The following DPP10 variants were observed in gnomAD, a reference collection of about 807,000 sequenced individuals.
The protein encoded by DPP10 is dipeptidyl peptidase like 10, also known as inactive dipeptidyl peptidase 10.
DPP10 carries 33 observed loss-of-function variants against 120.9 expected under a neutral mutation model. The observed-to-expected ratio is 0.27, with a 90% CI of 0.21 to 0.37. The LOEUF (loss-of-function observed/expected upper bound fraction) is 0.37. DPP10 is among the 10% of genes least tolerant of loss of function. The pLI, the probability that DPP10 is intolerant of heterozygous loss-of-function variation, is 1.00. For synonymous variants in DPP10, 337 were observed against 326.1 expected, an observed-to-expected ratio of 1.03 and a Z score of -0.36; for missense variants, 816 against 942.8, an observed-to-expected ratio of 0.87 and a Z score of 1.76.
At chr2:115,263,421 C>T (rs922396148) in intron 1 of DPP10, among the ~76,000 whole-genome samples, 1 of 152,162 alleles carries the variant, frequency 6.6e-6, no homozygotes, top group Non-Finnish European at 1.5e-5. Flanking sequence ...CTGACTTTGG[C>T]CCCTGGCCTA....
At chr2:114,716,096 A>T (rs1370549874) in intron 1 of DPP10, among the ~76,000 whole-genome samples, 1 of 152,058 alleles carries the variant, frequency 6.6e-6, no homozygotes, top group Non-Finnish European at 1.5e-5. Context: ...TTAGAAAATC[A>T]GTCAATCAGC....
intron 1 of DPP10, among the ~76,000 whole-genome samples, chr2:115,181,540 A>G (rs1017438995): frequency 6.6e-6 from 1 of 152,108 alleles, no homozygotes; most frequent in African/African-American, 2.4e-5. Flanking sequence ...TCTTCATAGC[A>G]TGGGTCCTAG....
intron 1 of DPP10, among the ~76,000 whole-genome samples, chr2:114,884,383 G>A (rs1180446480): frequency 6.6e-6 from 1 of 151,996 alleles, no homozygotes; most frequent in African/African-American, 2.4e-5. Context: ...TGGCGGGTTT[G>A]CATTCCTTTC....
intron 1 of DPP10, among the ~76,000 whole-genome samples, chr2:114,462,472 G>A (rs60008862): frequency 6.6e-6 from 1 of 152,130 alleles, no homozygotes. Context: ...GTTTTGAGAA[G>A]TACTGGTCCC....
chr2:115,292,400 T>G (rs2060696200), intron 1 of DPP10, among the ~76,000 whole-genome samples: 1 of 152,138 alleles, frequency 6.6e-6, no homozygotes, highest in Admixed American at 6.6e-5. Context: ...CAAGAAAAAC[T>G]ACTTTTGAAA....
chr2:114,875,942 T>C (rs973596309), intron 1 of DPP10, among the ~76,000 whole-genome samples: 1 of 152,174 alleles, frequency 6.6e-6, no homozygotes, highest in Non-Finnish European at 1.5e-5. Context: ...GAATGAGTTT[T>C]CAGACATTCC....
chr2:114,501,788 CAT>C (rs1194373596), intron 1 of DPP10, among the ~76,000 whole-genome samples: 3 of 152,006 alleles, frequency 2.0e-5, no homozygotes, highest in African/African-American at 7.2e-5. Flanking sequence ...TCTCGGGTGT[CAT>C]ATGATAAAAT....
At position 114,726,026 on chromosome 2, in the gene DPP10, A is replaced by G. The variant is rs577586481; in HGVS notation, c.60+283188A>G. ...GGCGGGCAGATCACGAGGTCAGGAG[A>G]TCGAGACCATCCTGGCTAACATGGT... On this transcript the variant is annotated intron_variant, in intron 1 of 25. Transcript: ENST00000410059. Among the ~76,000 whole-genome samples, 4 of 152,092 alleles carry G rather than the reference A, an allele frequency of 2.6e-5. No homozygotes were observed. The South Asian group carries it at 8.3e-4, about 32-fold the overall frequency.
intron 7 of DPP10, among the ~76,000 whole-genome samples, chr2:115,707,907 A>T (rs1281654140): frequency 6.6e-6 from 1 of 151,960 alleles, no homozygotes; most frequent in African/African-American, 2.4e-5. Flanking sequence ...AACTTAAATT[A>T]CAGAATTGAT....
chr2:114,747,922 G>A (rs1041496467), intron 1 of DPP10, among the ~76,000 whole-genome samples: 6 of 152,092 alleles, frequency 3.9e-5, no homozygotes, highest in Admixed American at 1.3e-4. Context: ...CTCAAATTAC[G>A]GTCTATCAGT....
chr2:114,575,635 A>G (rs569414059), intron 1 of DPP10, among the ~76,000 whole-genome samples: 1 of 151,790 alleles, frequency 6.6e-6, no homozygotes, highest in African/African-American at 2.4e-5. Context: ...CCTTTTTTTG[A>G]TTTGTTTCAG....
intron 1 of DPP10, among the ~76,000 whole-genome samples, chr2:114,960,981 C>A (rs1698571486): frequency 7.0e-6 from 1 of 142,770 alleles, no homozygotes; most frequent in Non-Finnish European, 1.5e-5. Flanking sequence ...TGTCAAAACT[C>A]CAGAAAATAT....
At chr2:115,263,894 A>G (rs1379025048) in intron 1 of DPP10, among the ~76,000 whole-genome samples, 1 of 152,116 alleles carries the variant, frequency 6.6e-6, no homozygotes, top group African/African-American at 2.4e-5. Context: ...CAAAACACAC[A>G]CACACACACA....
At position 114,478,140 on chromosome 2, in the gene DPP10, C is replaced by T. The variant is rs186204364; in HGVS notation, c.60+35302C>T. The stretch of plus-strand genomic sequence containing the variant: ...CCACACAGACAGTATAAAAAAGCTA[C>T]GGATAAATACTTCTTATGACCTAAA... On this transcript the variant is annotated intron_variant, in intron 1 of 25. Transcript: ENST00000410059. 3.0e-3 allele frequency among the ~76,000 whole-genome samples: 453 copies of T among 151,794 alleles called. 3 individuals are homozygous for T. Among genetic ancestry groups the T allele is most frequent in the African/African-American group, 1.0e-2 (414 of 41,416 alleles).
chr2:114,723,471 A>G (rs1701837551), intron 1 of DPP10, among the ~76,000 whole-genome samples: 1 of 152,250 alleles, frequency 6.6e-6, no homozygotes, highest in Non-Finnish European at 1.5e-5. Flanking sequence ...TCTGTCGACC[A>G]GTTCTTGGAA....
At chr2:115,814,766 T>A in intron 19 of DPP10, 27 bp from the exon 20 acceptor site, 1 of 1,477,422 alleles carries the variant, frequency 6.8e-7, no homozygotes, top group Non-Finnish European at 9.1e-7. Flanking sequence ...TTGCTCTTGT[T>A]TTGGTCCAAT....
chr2:115,544,619 A>T (rs989479588), intron 5 of DPP10, among the ~76,000 whole-genome samples: 24 of 151,996 alleles, frequency 1.6e-4, no homozygotes, highest in African/African-American at 5.8e-4. Flanking sequence ...CAAGAGTATA[A>T]CTCTGGTTAT....
chr2:114,732,468 G>A (rs995617235), intron 1 of DPP10, among the ~76,000 whole-genome samples: 6 of 152,170 alleles, frequency 3.9e-5, no homozygotes, highest in African/African-American at 1.4e-4. Context: ...CACTGTGTGG[G>A]GATTGGGGGA....
chr2:114,981,784 T>C (rs1435427456), intron 1 of DPP10, among the ~76,000 whole-genome samples: 1 of 151,852 alleles, frequency 6.6e-6, no homozygotes, highest in Non-Finnish European at 1.5e-5. Flanking sequence ...TTTTTGTTTT[T>C]TTTTTTAGAT....
Sources: gnomAD v4.1 joint callset for allele counts (sites outside exome capture counted in the v4.1 genomes callset) on GRCh38, gnomAD v4.1.1 for gene constraint, MANE v1.5 for transcripts, NCBI Gene and HGNC (gene_info 2026-07-23, HGNC 2026-07-21) for gene names.